The following MFHAS1 variants were observed in gnomAD, a reference collection of about 807,000 sequenced individuals.
The protein encoded by MFHAS1 is malignant fibrous histiocytoma-amplified sequence 1.
In MFHAS1, 50 loss-of-function variants were observed where a neutral mutation model predicts 70.4. That is an observed-to-expected ratio of 0.71 (90% confidence interval 0.57 to 0.90). The LOEUF is 0.90. Among genes scored for constraint, MFHAS1 ranks in the 40% least tolerant of loss-of-function variants. The pLI, the probability that MFHAS1 is intolerant of heterozygous loss-of-function variation, is 0.00. For synonymous variants in MFHAS1, 952 were observed against 620.0 expected (o/e 1.54, Z -7.96); for missense variants, 1,795 against 1,347.6 (o/e 1.33, Z -5.20).
At chr8:8,819,950 G>A (rs144184962) in intron 1 of MFHAS1, among the ~76,000 whole-genome samples, 4 of 151,998 alleles carry the variant, frequency 2.6e-5, no homozygotes, top group East Asian at 3.9e-4. Context: ...CTCCCGCCTC[G>A]GCCTCCCAAA....
intron 1 of MFHAS1, among the ~76,000 whole-genome samples, chr8:8,853,566 T>C (rs1437426438): frequency 6.6e-6 from 1 of 151,698 alleles, no homozygotes; most frequent in East Asian, 1.9e-4. Flanking sequence ...GGTCAGGTCC[T>C]AGCTACGTAT....
Position 8,892,491 on chromosome 8 carries a change from G to A in MFHAS1, c.568C>T (p.His190Tyr). Residue 190 changes from histidine (H) to tyrosine (Y), a missense_variant, in exon 1 of 3, where the codon CAC becomes TAC. Physicochemically the swap from His to Tyr is moderately conservative, Grantham distance 83. Transcript: ENST00000276282. This position sits in a 1 kb window ranked among gnomAD's most constrained non-coding sequence, Gnocchi z 4.7. ...CGGGGGAAGGCAGTGAGCTGGTTGTGATCCACGTCCAGGGTGCGCAGGCGG... is the reference window on the plus strand; with the variant it reads ...CGGGGGAAGGCAGTGAGCTGGTTGTAATCCACGTCCAGGGTGCGCAGGCGG... The part of the protein sequence containing the change: ...LSRLRTLDVD[H>Y]NQLTAFPRQL... 1.2e-6 allele frequency: 2 copies of A among 1,605,816 alleles called. No individual in the cohort carries two copies. The highest frequency in any genetic ancestry group is 1.7e-6 in the Non-Finnish European group (2 of 1,176,258).
intron 1 of MFHAS1, among the ~76,000 whole-genome samples, chr8:8,879,971 G>C (rs920556452): frequency 2.0e-5 from 3 of 152,154 alleles, no homozygotes; most frequent in African/African-American, 7.2e-5. Flanking sequence ...TTAAAAAAAA[G>C]CTCTATGCAG....
intron 1 of MFHAS1, among the ~76,000 whole-genome samples, chr8:8,851,619 T>C (rs551788633): frequency 1.3e-5 from 2 of 152,344 alleles, no homozygotes; most frequent in Admixed American, 6.5e-5. Flanking sequence ...ACAGTTCTTA[T>C]CTACTGTTGC....
rs548837885 is a variant in MFHAS1 at position 8,785,886 on chromosome 8, G to A, written c.*136C>T. The A allele has an allele frequency of 7.7e-4, 260 of 337,106 alleles. No homozygotes were observed. The highest frequency in any genetic ancestry group is 2.6e-3 in the South Asian group (87 of 33,150). 20.9% of individuals were successfully genotyped at this position (337,106 alleles called of 1,614,324 possible). ...CACCTCTTCCCCAGTCGTCCAAAAA[G>A]CACCCTGCAAGCACGCGTTGTCACT... On this transcript the variant is annotated 3_prime_UTR_variant, in exon 3 of 3. Coordinates refer to ENST00000276282, the MANE Select transcript of MFHAS1 (RefSeq NM_004225.3).
chr8:8,792,016 CG>C (rs1274934322), intron 2 of MFHAS1, among the ~76,000 whole-genome samples: 1 of 152,086 alleles, frequency 6.6e-6, no homozygotes, highest in African/African-American at 2.4e-5. Flanking sequence ...CCGAGGCAGG[CG>C]GATCACGGTC....
In MFHAS1 at chr8:8,892,879, G is replaced by T; in HGVS notation, c.180C>A (p.Ala60=). ...TCAGTGCCTCAATGTCCCCGAGGTTGGCCGGCAGCACGAGCTGGGGGGAGG... is the reference window on the plus strand; with the variant it reads ...TCAGTGCCTCAATGTCCCCGAGGTTTGCCGGCAGCACGAGCTGGGGGGAGG... ...SPASPQLVLP[A]NLGDIEALNL... The change falls in exon 1 of 3, where the codon GCC becomes GCA. Residue 60 remains alanine, a synonymous_variant. Transcript: ENST00000276282. This position sits in a 1 kb window ranked among gnomAD's most constrained non-coding sequence, Gnocchi z 4.7. The T allele has an allele frequency of 1.3e-6, 2 of 1,585,112 alleles. No homozygotes were observed. The highest frequency in any genetic ancestry group is 1.7e-6 in the Non-Finnish European group (2 of 1,167,836).
chr8:8,824,075 G>A (rs1807065258), intron 1 of MFHAS1, among the ~76,000 whole-genome samples: 1 of 150,968 alleles, frequency 6.6e-6, no homozygotes, highest in Non-Finnish European at 1.5e-5. Context: ...CAGGCTACCT[G>A]CCTGTGAGGC....
At chr8:8,865,391 C>G (rs1808819635) in intron 1 of MFHAS1, among the ~76,000 whole-genome samples, 2 of 150,630 alleles carry the variant, frequency 1.3e-5, no homozygotes, top group Non-Finnish European at 3.0e-5. Context: ...ACTCAAAAGG[C>G]AAAAATCAGA....
chr8:8,893,059 G>T lies in MFHAS1; in HGVS notation c.-1C>A, dbSNP rs1182662923. ...GGTTGCCACTGTCCATCCCAGCCAT[G>T]GCGGGGCCCCGGGCCGACAGCCTCA... On this transcript the variant is annotated 5_prime_UTR_variant, in exon 1 of 3. Coordinates refer to ENST00000276282, the MANE Select transcript of MFHAS1 (RefSeq NM_004225.3). 3 of 1,491,502 alleles carry T rather than the reference G, an allele frequency of 2.0e-6. No individual in the cohort carries two copies. The African/African-American group carries it at 4.4e-5, about 22-fold the overall frequency. 92.4% of individuals were successfully genotyped at this position (1,491,502 alleles called of 1,614,324 possible).
Position 8,893,140 on chromosome 8 carries a change from C to G in MFHAS1, c.-82G>C, listed in dbSNP as rs1810163883. The G allele has an allele frequency of 2.3e-6, 2 of 874,992 alleles. No homozygotes were observed. Among genetic ancestry groups the G allele is most frequent in the Non-Finnish European group, 3.0e-6 (2 of 662,228 alleles). The allele number at this position is 874,992 out of a possible 1,614,324, so 54.2% of individuals were successfully genotyped here. ...GCGCCGCGCCCCGGGCCCTCCGGCT[C>G]CTGCCCCTGCCTGCCCTCCCGCGCT... On this transcript the variant is annotated 5_prime_UTR_variant, in exon 1 of 3. Coordinates refer to ENST00000276282, the MANE Select transcript of MFHAS1 (RefSeq NM_004225.3).
intron 1 of MFHAS1, among the ~76,000 whole-genome samples, chr8:8,846,273 AAGG>A (rs1808031290): frequency 1.3e-4 from 4 of 30,352 alleles, no homozygotes; most frequent in South Asian, 2.0e-3. Flanking sequence ...GGGGGGGGGG[AAGG>A]AGGAGGAGGG....
At chr8:8,874,331 TAC>T (rs35271686) in intron 1 of MFHAS1, among the ~76,000 whole-genome samples, 35,152 of 144,404 alleles carry the variant, frequency 0.24, 4,333 homozygotes, top group Middle Eastern at 0.3. Context: ...TATAACATTC[TAC>T]ACACACACAC....
intron 1 of MFHAS1, among the ~76,000 whole-genome samples, chr8:8,825,969 C>T (rs569687066): frequency 4.2e-4 from 64 of 152,238 alleles, no homozygotes; most frequent in Non-Finnish European, 1.2e-4. Context: ...GCAGTTGAGG[C>T]TGAAGTTCAC....
intron 2 of MFHAS1, among the ~76,000 whole-genome samples, chr8:8,792,568 T>C (rs1805755189): frequency 2.6e-5 from 4 of 152,166 alleles, no homozygotes; most frequent in African/African-American, 7.2e-5. Flanking sequence ...ATCACGCCAC[T>C]GCACTCCAGC....
intron 1 of MFHAS1, among the ~76,000 whole-genome samples, chr8:8,885,822 G>A (rs1334917088): frequency 6.6e-6 from 1 of 152,198 alleles, no homozygotes; most frequent in Non-Finnish European, 1.5e-5. Flanking sequence ...GGATTCTCGT[G>A]CCTCATTCTT....
intron 1 of MFHAS1, chr8:8,859,994 G>C (rs957618559): frequency 6.6e-6 from 1 of 152,166 alleles, no homozygotes; most frequent in African/African-American, 2.4e-5. Flanking sequence ...GCATACCTTA[G>C]GTGGAGGATT....
intron 1 of MFHAS1, among the ~76,000 whole-genome samples, chr8:8,885,387 C>T (rs1809714384): frequency 6.6e-6 from 1 of 152,208 alleles, no homozygotes; most frequent in African/African-American, 2.4e-5. Flanking sequence ...CTAAGACACA[C>T]TCTTCCAATT....
chr8:8,891,666 C>T lies in MFHAS1; in HGVS notation c.1393G>A (p.Ala465Thr). Residue 465 changes from alanine (A) to threonine (T), a missense_variant, in exon 1 of 3, where the codon GCC (alanine) becomes ACC (threonine). Coordinates refer to ENST00000276282, the MANE Select transcript of MFHAS1 (RefSeq NM_004225.3). The surrounding 1 kb of genome is among the most constrained non-coding windows in gnomAD (Gnocchi z 5.4). ...SKGIEVTSWT[A>T]DASRGLRFIV... The stretch of plus-strand genomic sequence containing the variant: ...AACCGCAGGCCCCGGGAGGCATCGG[C>T]CGTCCAGCTGGTCACCTCGATGCCC... The T allele has an allele frequency of 6.2e-7, 1 of 1,613,556 alleles. No homozygotes were observed. Among genetic ancestry groups the T allele is most frequent in the Non-Finnish European group, 8.5e-7 (1 of 1,180,022 alleles).
Sources: allele counts gnomAD v4.1 joint callset (sites outside exome capture counted in the v4.1 genomes callset), GRCh38; gene constraint gnomAD v4.1.1; non-coding constraint Gnocchi (gnomAD v3.1); transcripts MANE v1.5; gene names NCBI Gene and HGNC (gene_info 2026-07-23, HGNC 2026-07-21).